AXDND1: variants seen among roughly 807,000 people sequenced by gnomAD.
AXDND1 encodes the protein axonemal dynein light chain domain containing 1.
A neutral mutation model predicts 137.5 loss-of-function variants in AXDND1; 110 were observed. That is an observed-to-expected ratio of 0.80 (90% CI 0.69 to 0.94). AXDND1 has a LOEUF of 0.94. Ranked by LOEUF, AXDND1 falls within the 40% of genes least tolerant of loss-of-function variation. The pLI, the probability that AXDND1 is intolerant of heterozygous loss-of-function variation, is 0.00. For missense variants in AXDND1, 1,191 were observed against 1,169.8 expected, an observed-to-expected ratio of 1.02 and a Z score of -0.26; for synonymous variants, 414 against 399.7, an observed-to-expected ratio of 1.04 and a Z score of -0.43.
At position 179,520,487 on chromosome 1, in the gene AXDND1, C is replaced by T. The variant is rs527844145; in HGVS notation, c.2497-4847C>T. Among the ~76,000 whole-genome samples, 15 of 152,044 alleles carry T rather than the reference C, an allele frequency of 9.9e-5. No individual in the cohort carries two copies. In the East Asian group the frequency reaches 1.2e-3, roughly 12 times the overall value. ...TAGAGACAGGGTCTTGATGTTGCCT[C>T]GGCTGGTCTCAAACTCCTGGGCTTA... On this transcript the variant is annotated intron_variant, in intron 21 of 25. Coordinates refer to ENST00000367618, the MANE Select transcript of AXDND1 (RefSeq NM_144696.6).
At chr1:179,489,812 C>T (rs1319300916) in intron 18 of AXDND1, among the ~76,000 whole-genome samples, 1 of 141,170 alleles carries the variant, frequency 7.1e-6, no homozygotes, top group Non-Finnish European at 1.5e-5. Context: ...GTGGAACCGT[C>T]TCGGCTCACT....
At chr1:179,381,943 A>ATTTTTTTTTTT (rs71111920) in intron 6 of AXDND1, among the ~76,000 whole-genome samples, 109 of 105,420 alleles carry the variant, frequency 1.0e-3, no homozygotes, top group African/African-American at 2.3e-3. Context: ...ACCACACCTA[A>ATTTTTTTTTTT]TTTTTTTTTT....
intron 16 of AXDND1, chr1:179,453,982 G>A (rs1031733332): frequency 4.6e-5 from 7 of 152,170 alleles, no homozygotes; most frequent in Admixed American, 6.5e-5. Flanking sequence ...CTCATAGGCA[G>A]AAAGGACTGG....
At chr1:179,539,179 G>A (rs1236701923) in intron 25 of AXDND1, among the ~76,000 whole-genome samples, 3 of 152,110 alleles carry the variant, frequency 2.0e-5, no homozygotes, top group African/African-American at 7.2e-5. Context: ...GGGGCATTTA[G>A]CCCATTTACA....
At chr1:179,525,563 C>G in intron 22 of AXDND1, 116 bp downstream of exon 22, 1 of 1,242,478 alleles carries the variant, frequency 8.0e-7, no homozygotes, top group Non-Finnish European at 1.1e-6. Context: ...GTGGTATCAT[C>G]ATAGCTCACT....
intron 16 of AXDND1, chr1:179,453,051 C>G (rs199936109): frequency 2.6e-5 from 4 of 152,342 alleles, no homozygotes; most frequent in Non-Finnish European, 5.9e-5. Context: ...TTGGCAGCTT[C>G]CATGTGGTAT....
At chr1:179,547,507 A>G (rs1672761330) in intron 25 of AXDND1, among the ~76,000 whole-genome samples, 1 of 152,202 alleles carries the variant, frequency 6.6e-6, no homozygotes, top group Non-Finnish European at 1.5e-5. Context: ...AGCCTTCCAG[A>G]AGTGCCCTAA....
rs1649024968 is a variant in AXDND1, at chr1:179,385,309, A to G, written c.813A>G (p.Arg271=). 6.2e-7 allele frequency: 1 copy of G among 1,613,842 alleles called. No homozygotes were observed. Among genetic ancestry groups the G allele is most frequent in the Non-Finnish European group, 8.5e-7 (1 of 1,179,864 alleles). Residue 271 remains arginine, a synonymous_variant, in exon 9 of 26, where the codon CGA becomes CGG. Transcript: ENST00000367618. ...IYNMIFHELI[R]QVSVDCADRG... is the part of the protein sequence containing the mutation. ...ACATGATATTTCATGAACTTATTCG[A>G]CAAGTCAGTGTGGACTGTGCAGACA... is the stretch of plus-strand genomic sequence containing the variant.
At chr1:179,527,983 G>A (rs905559265) in intron 22 of AXDND1, among the ~76,000 whole-genome samples, 2 of 152,130 alleles carry the variant, frequency 1.3e-5, no homozygotes, top group Admixed American at 6.5e-5. Context: ...CCTTTTCTGG[G>A]TGTGCACAGC....
At chr1:179,488,504 A>G (rs1666335975) in intron 18 of AXDND1, among the ~76,000 whole-genome samples, 1 of 147,042 alleles carries the variant, frequency 6.8e-6, no homozygotes. Context: ...GAGCTCAGGC[A>G]ATCCTCCCAC....
chr1:179,421,367 CTTTTTTTTTTTTTTTT>C (rs199703017), intron 12 of AXDND1, among the ~76,000 whole-genome samples: 17 of 107,226 alleles, frequency 1.6e-4, no homozygotes, highest in East Asian at 4.7e-4. Flanking sequence ...TTTTCTTTTC[CTTTTTTTTTTTTTTTT>C]TTTTTTTTTT....
At position 179,535,156 on chromosome 1, in the gene AXDND1, A is replaced by C; in HGVS notation, c.3031+194A>C. 5.4e-6 allele frequency: 4 copies of C among 744,900 alleles called. No individual in the cohort carries two copies. In the South Asian group the frequency reaches 7.8e-5, roughly 15 times the overall value. The allele number at this position is 744,900 out of a possible 1,614,324, so 46.1% of individuals were successfully genotyped here. A position where few individuals can be genotyped will look rare whatever the true frequency, so the allele number is the denominator to read the frequency against. On this transcript the variant is annotated intron_variant, in intron 25 of 25. Coordinates refer to ENST00000367618, the MANE Select transcript of AXDND1 (RefSeq NM_144696.6). ...ACTCACAAAAAGGAAAACCAAATGA[A>C]TAACAATTGTGAATGAATAAAGTAG...
intron 25 of AXDND1, among the ~76,000 whole-genome samples, chr1:179,537,867 G>T (rs1263333278): frequency 1.3e-5 from 2 of 151,940 alleles, no homozygotes; most frequent in African/African-American, 2.4e-5. Context: ...GCTCAATTTT[G>T]CCACCTGTTA....
chr1:179,483,220 A>G lies in AXDND1; in HGVS notation c.2090A>G (p.His697Arg). Residue 697 changes from histidine to arginine, a missense_variant and splice_region_variant, in exon 18 of 26, where the codon CAC becomes CGC. By Grantham distance (29) the His-to-Arg change is conservative (BLOSUM62 0). Coordinates refer to ENST00000367618, the MANE Select transcript of AXDND1 (RefSeq NM_144696.6). ...AACGGTAACATTGAACTTCAGCACC[A>G]CGTATGTACTTGTAAGGGTTTTTGA... ...INNGNIELQHHMDELHISMIQ... is the reference protein window; with the variant it reads ...INNGNIELQHRMDELHISMIQ... The G allele has an allele frequency of 1.9e-6, 3 of 1,592,744 alleles. No individual in the cohort carries two copies. The highest frequency in any genetic ancestry group is 2.6e-6 in the Non-Finnish European group (3 of 1,168,546).
chr1:179,401,802 C>G (rs567283022), intron 11 of AXDND1, among the ~76,000 whole-genome samples: 18 of 152,194 alleles, frequency 1.2e-4, no homozygotes, highest in Admixed American at 4.6e-4. Flanking sequence ...AGGGGCCTTT[C>G]ACCTTCCACC....
intron 18 of AXDND1, among the ~76,000 whole-genome samples, chr1:179,488,648 T>C (rs1202979794): frequency 3.2e-5 from 3 of 94,208 alleles, no homozygotes; most frequent in Non-Finnish European, 6.3e-5. Flanking sequence ...TCTTTCTTTC[T>C]TTCTTTCTTT....
intron 17 of AXDND1, among the ~76,000 whole-genome samples, chr1:179,479,049 A>G (rs1293935426): frequency 6.6e-6 from 1 of 151,934 alleles, no homozygotes; most frequent in African/African-American, 2.4e-5. Flanking sequence ...GCAGTGAGCC[A>G]AGATCAAACC....
At chr1:179,436,073 A>G (rs1658107837) in intron 15 of AXDND1, among the ~76,000 whole-genome samples, 1 of 152,234 alleles carries the variant, frequency 6.6e-6, no homozygotes, top group African/African-American at 2.4e-5. Flanking sequence ...TTATGTGGCC[A>G]ACAAACATGA....
intron 16 of AXDND1, among the ~76,000 whole-genome samples, chr1:179,467,910 T>A (rs2125476668): frequency 6.6e-6 from 1 of 152,328 alleles, no homozygotes; most frequent in Non-Finnish European, 1.5e-5. Flanking sequence ...TTTGCCATAA[T>A]CTCATAGTGA....
Sources: allele counts gnomAD v4.1 joint callset (sites outside exome capture counted in the v4.1 genomes callset), GRCh38; gene constraint gnomAD v4.1.1; transcripts MANE v1.5; gene names NCBI Gene and HGNC (gene_info 2026-07-23, HGNC 2026-07-21).